Variants in PTCHD4 observed in about 807,000 individuals in gnomAD.
PTCHD4 encodes patched domain-containing protein 4.
Under a neutral mutation model 58.1 loss-of-function variants are expected in PTCHD4, and 33 were observed. The observed-to-expected ratio is 0.57, with a 90% CI of 0.43 to 0.76. PTCHD4 has a LOEUF of 0.76. Ranked by LOEUF, PTCHD4 falls within the 30% of genes least tolerant of loss-of-function variation. The pLI is 0.00. For synonymous variants in PTCHD4, 478 were observed against 409.6 expected (o/e 1.17, Z -2.02); for missense variants, 1,058 against 1,027.1 (o/e 1.03, Z -0.41).
At chr6:47,882,026 A>G (rs1440786314) in intron 4 of PTCHD4, among the ~76,000 whole-genome samples, 1 of 152,130 alleles carries the variant, frequency 6.6e-6, no homozygotes, top group East Asian at 1.9e-4. Flanking sequence ...GATTCTTAAC[A>G]ATGTTAATTG....
At position 47,882,261 on chromosome 6, in the gene PTCHD4, G is replaced by C. The variant is rs1303598957; in HGVS notation, c.899-2325C>G. On this transcript the variant is annotated intron_variant, in intron 4 of 4. Coordinates refer to ENST00000339488, the MANE Select transcript of PTCHD4 (RefSeq NM_001384253.1). ...CTAAATTTGGCTTGCCTTTGATAGT[G>C]GTCATTTTTATGGAACATTAGGTAC... Among the ~76,000 whole-genome samples, 3 of 152,100 alleles carry C rather than the reference G, an allele frequency of 2.0e-5. No homozygotes were observed. The East Asian group carries it at 5.8e-4, about 29-fold the overall frequency.
At chr6:48,002,304 ACG>A (rs1768759610) in intron 4 of PTCHD4, among the ~76,000 whole-genome samples, 1 of 152,128 alleles carries the variant, frequency 6.6e-6, no homozygotes, top group African/African-American at 2.4e-5. Context: ...ATAAACACAG[ACG>A]CACACATGTT....
chr6:47,998,322 A>G (rs1309139911), intron 4 of PTCHD4, among the ~76,000 whole-genome samples: 1 of 152,168 alleles, frequency 6.6e-6, no homozygotes, highest in Non-Finnish European at 1.5e-5. Context: ...TAGCTATTCA[A>G]TCCTGATTCA....
At chr6:48,104,315 G>T (rs916510889) in intron 1 of PTCHD4, among the ~76,000 whole-genome samples, 9 of 152,220 alleles carry the variant, frequency 5.9e-5, no homozygotes, top group African/African-American at 2.4e-5. Flanking sequence ...TTAAAGAAAA[G>T]AATTTTCAAG....
chr6:48,109,334 A>T (rs72869982), intron 1 of PTCHD4, among the ~76,000 whole-genome samples: 15,302 of 152,222 alleles, frequency 0.1, 941 homozygotes, highest in Middle Eastern at 0.16. Context: ...TGAACATACA[A>T]CTTTTTAAAA....
chr6:47,910,823 G>T (rs1032807568), intron 4 of PTCHD4, among the ~76,000 whole-genome samples: 2 of 152,086 alleles, frequency 1.3e-5, no homozygotes, highest in Admixed American at 1.3e-4. Flanking sequence ...TTGGATAGAA[G>T]AATATGTTAT....
chr6:47,976,655 AAAATAAATAAAT>A lies in PTCHD4; in HGVS notation c.898+31967_898+31978del, dbSNP rs141002670. ...GGCCACAAGAGCGGGACTCCATATCAAAATAAATAAATAAATAAATAAATAAATAAATAAATA... is the reference window on the plus strand; with the variant it reads ...GGCCACAAGAGCGGGACTCCATATCAAAATAAATAAATAAATAAATAAATA... On this transcript the variant is annotated intron_variant, in intron 4 of 4. Coordinates refer to ENST00000339488, the MANE Select transcript of PTCHD4 (RefSeq NM_001384253.1). Among the ~76,000 whole-genome samples the A allele has an allele frequency of 5.8e-4, 82 of 142,596 alleles. 1 individual carries two copies. The highest frequency in any genetic ancestry group is 1.2e-3 in the African/African-American group (46 of 38,666). The allele number at this position is 142,596 out of a possible 152,430, so 93.5% of individuals were successfully genotyped here. A position where few individuals can be genotyped will look rare whatever the true frequency, so the allele number is the denominator to read the frequency against.
chr6:47,905,042 A>AACACACACAC lies in PTCHD4; in HGVS notation c.899-25107_899-25106insGTGTGTGTGT, dbSNP rs1561949512. On this transcript the variant is annotated intron_variant, in intron 4 of 4. Coordinates refer to ENST00000339488, the MANE Select transcript of PTCHD4 (RefSeq NM_001384253.1). ...GAAGAACTAGGAAGAAAATACAGCC[A>AACACACACAC]TCACACACACACACACACACACACA... Among the ~76,000 whole-genome samples, 12 of 26,210 alleles carry AACACACACAC rather than the reference A, an allele frequency of 4.6e-4. No individual in the cohort carries two copies. The Admixed American group carries it at 7.6e-3, about 17-fold the overall frequency. The allele number at this position is 26,210 out of a possible 152,430, so 17.2% of individuals were successfully genotyped here. A position where few individuals can be genotyped will look rare whatever the true frequency, so the allele number is the denominator to read the frequency against.
At chr6:47,887,010 G>A (rs1425281948) in intron 4 of PTCHD4, among the ~76,000 whole-genome samples, 1 of 152,120 alleles carries the variant, frequency 6.6e-6, no homozygotes, top group African/African-American at 2.4e-5. Context: ...TCACTGGCCA[G>A]GTTAGGCACT....
chr6:47,920,212 G>A (rs1765387771), intron 4 of PTCHD4, among the ~76,000 whole-genome samples: 1 of 152,174 alleles, frequency 6.6e-6, no homozygotes, highest in African/African-American at 2.4e-5. Flanking sequence ...GGACATATGT[G>A]AAGAGATTGG....
At chr6:47,890,717 G>C (rs183425477) in intron 4 of PTCHD4, among the ~76,000 whole-genome samples, 4 of 152,146 alleles carry the variant, frequency 2.6e-5, no homozygotes, top group South Asian at 2.1e-4. Context: ...GCTTTGTAAG[G>C]GGGGGGATTC....
At chr6:47,907,082 C>T (rs189341530) in intron 4 of PTCHD4, among the ~76,000 whole-genome samples, 3 of 152,218 alleles carry the variant, frequency 2.0e-5, no homozygotes, top group East Asian at 1.9e-4. Context: ...CCATCTGAAA[C>T]GAACAGGTTT....
In PTCHD4 at chr6:47,858,345, G is replaced by T. The variant is rs1763346370; in HGVS notation, c.*19958C>A. Among the ~76,000 whole-genome samples the T allele has an allele frequency of 6.6e-6, 1 of 151,992 alleles. No homozygotes were observed. Among genetic ancestry groups the T allele is most frequent in the South Asian group, 2.1e-4 (1 of 4,836 alleles). ...GTAGAACAAAGTAATGTGTATGAAA[G>T]ACAATTAGATATATTCAGCTTACCT... On this transcript the variant is annotated 3_prime_UTR_variant, in exon 5 of 5. Coordinates refer to ENST00000339488, the MANE Select transcript of PTCHD4 (RefSeq NM_001384253.1).
At chr6:48,053,715 C>T (rs1258374697) in intron 3 of PTCHD4, among the ~76,000 whole-genome samples, 2 of 152,068 alleles carry the variant, frequency 1.3e-5, no homozygotes, top group Non-Finnish European at 2.9e-5. Context: ...GATAAGCAAT[C>T]CGGGACATCT....
chr6:48,055,131 G>A (rs1384362416), intron 3 of PTCHD4, among the ~76,000 whole-genome samples: 1 of 152,088 alleles, frequency 6.6e-6, no homozygotes, highest in Non-Finnish European at 1.5e-5. Context: ...TCAATAACTG[G>A]CTCCCCTACT....
At position 47,868,842 on chromosome 6, in the gene PTCHD4, A is replaced by G. The variant is rs533076285; in HGVS notation, c.*9461T>C. Among the ~76,000 whole-genome samples, 2 of 151,770 alleles carry G rather than the reference A, an allele frequency of 1.3e-5. No homozygotes were observed. Among genetic ancestry groups the G allele is most frequent in the Non-Finnish European group, 3.0e-5 (2 of 67,788 alleles). ...AAGTTGAACATATTTAAAGGAAAAA[A>G]GCAGAATAAAATTAATAATTAAAAT... On this transcript the variant is annotated 3_prime_UTR_variant, in exon 5 of 5. Coordinates refer to ENST00000339488, the MANE Select transcript of PTCHD4 (RefSeq NM_001384253.1).
At position 47,867,732 on chromosome 6, in the gene PTCHD4, A is replaced by G. The variant is rs993146908; in HGVS notation, c.*10571T>C. On this transcript the variant is annotated 3_prime_UTR_variant, in exon 5 of 5. Coordinates refer to ENST00000339488, the MANE Select transcript of PTCHD4 (RefSeq NM_001384253.1). ...TCTATTAGAATCTTACCCACACTTCAATGTGGATCAGTTCATAATTCCTTC... is the reference window on the plus strand; with the variant it reads ...TCTATTAGAATCTTACCCACACTTCGATGTGGATCAGTTCATAATTCCTTC... Among the ~76,000 whole-genome samples, 2 of 151,664 alleles carry G rather than the reference A, an allele frequency of 1.3e-5. No individual in the cohort carries two copies. The highest frequency in any genetic ancestry group is 4.8e-5 in the African/African-American group (2 of 41,350).
chr6:47,914,449 T>C (rs1561954313), intron 4 of PTCHD4, among the ~76,000 whole-genome samples: 1 of 151,956 alleles, frequency 6.6e-6, no homozygotes, highest in African/African-American at 2.4e-5. Flanking sequence ...GAGAATTTGC[T>C]CTCTCTGACT....
In PTCHD4 at chr6:47,874,756, G is replaced by A. The variant is rs143207228; in HGVS notation, c.*3547C>T. 1.4e-4 allele frequency among the ~76,000 whole-genome samples: 22 copies of A among 151,878 alleles called. No individual in the cohort carries two copies. The East Asian group carries it at 2.1e-3, about 15-fold the overall frequency. On this transcript the variant is annotated 3_prime_UTR_variant, in exon 5 of 5. Transcript: ENST00000339488. ...CCACTTACATGATACAACAACAGAG[G>A]AGAATAGTTCTTTCATAGAATACTC...
Sources: allele counts gnomAD v4.1 joint callset (sites outside exome capture counted in the v4.1 genomes callset), GRCh38; gene constraint gnomAD v4.1.1; transcripts MANE v1.5; gene names NCBI Gene and HGNC (gene_info 2026-07-23, HGNC 2026-07-21).